Variants in XRCC5 observed in about 807,000 individuals in gnomAD.
The protein encoded by XRCC5 is DNA repair protein Ku80.
Under a neutral mutation model 95.7 loss-of-function variants are expected in XRCC5, and 12 were observed. That is an observed-to-expected ratio of 0.13 (90% CI 0.08 to 0.20). The LOEUF is 0.20. Ranked by LOEUF, XRCC5 falls within the 10% of genes least tolerant of loss-of-function variation. The pLI is 1.00. For missense variants in XRCC5, 595 were observed against 873.9 expected, an observed-to-expected ratio of 0.68 and a Z score of 4.02; for synonymous variants, 281 against 290.3, an observed-to-expected ratio of 0.97 and a Z score of 0.33.
chr2:216,136,787 G>A (rs963456109), intron 10 of XRCC5, among the ~76,000 whole-genome samples: 2 of 152,144 alleles, frequency 1.3e-5, no homozygotes, highest in African/African-American at 4.8e-5. Flanking sequence ...TTTGTGGAGA[G>A]GGAAGGACAA....
intron 16 of XRCC5, among the ~76,000 whole-genome samples, chr2:216,179,355 A>C (rs1298206433): frequency 2.6e-5 from 4 of 152,050 alleles, no homozygotes; most frequent in Admixed American, 6.6e-5. Flanking sequence ...TCTTAATTTG[A>C]TCACACATCT....
chr2:216,124,332 T>A (rs996995974), intron 6 of XRCC5, among the ~76,000 whole-genome samples: 1 of 152,136 alleles, frequency 6.6e-6, no homozygotes, highest in Non-Finnish European at 1.5e-5. Context: ...CTGCAACCTC[T>A]GCCTCCCAGG....
chr2:216,173,169 A>C (rs1689202984), intron 16 of XRCC5, among the ~76,000 whole-genome samples: 1 of 152,136 alleles, frequency 6.6e-6, no homozygotes, highest in South Asian at 2.1e-4. Context: ...ATTGTCTGCA[A>C]ATAAAGAAAG....
intron 10 of XRCC5, among the ~76,000 whole-genome samples, chr2:216,136,367 A>AAG (rs564652267): frequency 2.8e-5 from 4 of 143,204 alleles, no homozygotes; most frequent in Non-Finnish European, 3.0e-5. Flanking sequence ...AAAAAAAAAA[A>AAG]AAAAGAAATA....
At chr2:216,169,281 C>T (rs116355891) in intron 16 of XRCC5, among the ~76,000 whole-genome samples, 3,740 of 152,332 alleles carry the variant, frequency 0.025, 74 homozygotes, top group Middle Eastern at 0.061. Flanking sequence ...GTTCACCTTG[C>T]AGGGAAGACT....
chr2:216,111,347 C>T (rs1559234863), intron 1 of XRCC5: 3 of 445,188 alleles, frequency 6.7e-6, no homozygotes, highest in South Asian at 4.8e-5. Context: ...CACAGTGAGA[C>T]CCCAACTCTA....
intron 19 of XRCC5, chr2:216,203,918 A>C: frequency 7.4e-6 from 1 of 134,640 alleles, no homozygotes; most frequent in Non-Finnish European, 1.5e-5. Flanking sequence ...TTTGATTCTC[A>C]TGCTCCTTTC....
intron 16 of XRCC5, among the ~76,000 whole-genome samples, chr2:216,164,696 C>T (rs976000180): frequency 5.9e-5 from 9 of 152,126 alleles, no homozygotes; most frequent in Admixed American, 2.0e-4. Flanking sequence ...GGCAGGGAGA[C>T]AAAGTGGGTG....
chr2:216,182,114 T>TC (rs1559259261), intron 16 of XRCC5, among the ~76,000 whole-genome samples: 1 of 152,148 alleles, frequency 6.6e-6, no homozygotes, highest in African/African-American at 2.4e-5. Context: ...GTGTGCTGCC[T>TC]CCCCCTTGTC....
intron 16 of XRCC5, chr2:216,175,073 C>CTAA: frequency 3.2e-6 from 1 of 311,168 alleles, no homozygotes; most frequent in Non-Finnish European, 6.3e-6. Context: ...CCATAGTTAC[C>CTAA]ACTGCCAAAA....
chr2:216,125,849 A>C (rs1696892518), intron 6 of XRCC5, 68 bp from the exon 7 acceptor site: 1 of 1,264,410 alleles, frequency 7.9e-7, no homozygotes, highest in African/African-American at 1.5e-5. Context: ...TAGAAAATCA[A>C]ATGCATCATC....
chr2:216,128,962 A>AT (rs1417607000), intron 8 of XRCC5, among the ~76,000 whole-genome samples: 1 of 152,200 alleles, frequency 6.6e-6, no homozygotes, highest in Non-Finnish European at 1.5e-5. Flanking sequence ...TCTATTCTGA[A>AT]TTTGGACTGA....
At chr2:216,180,255 G>A (rs542845668) in intron 16 of XRCC5, among the ~76,000 whole-genome samples, 2 of 152,066 alleles carry the variant, frequency 1.3e-5, no homozygotes, top group East Asian at 1.9e-4. Flanking sequence ...ATAACACACA[G>A]ACAGTTCAGC....
intron 4 of XRCC5, 115 bp downstream of exon 4, chr2:216,117,909 A>C (rs1696730946): frequency 9.0e-7 from 1 of 1,106,940 alleles, no homozygotes; most frequent in Non-Finnish European, 1.3e-6. Flanking sequence ...TTTGTGTGAC[A>C]AGAGAAACAT....
At position 216,116,832 on chromosome 2, in the gene XRCC5, A is replaced by ACAGGCTGACTGTATCCTTTTTCTGC. The variant is rs749253096; in HGVS notation, c.313_319+18dup. On this transcript the variant is annotated frameshift_variant, in exon 3 of 21. Coordinates refer to ENST00000392132, the MANE Select transcript of XRCC5 (RefSeq NM_021141.4). LOFTEE classifies it high-confidence loss of function. ...AAAGCAAAATCCAACCAGGTTCTCA[A>ACAGGCTGACTGTATCCTTTTTCTGC]CAGGCTGACTGTATCCTTTTTCTGC... The ACAGGCTGACTGTATCCTTTTTCTGC allele has an allele frequency of 8.1e-6, 13 of 1,613,956 alleles. No homozygotes were observed. In the African/African-American group the frequency reaches 9.3e-5, roughly 12 times the overall value.
At position 216,160,108 on chromosome 2, in the gene XRCC5, C is replaced by A; in HGVS notation, c.1711C>A (p.Gln571Lys). The change falls in exon 15 of 21, where the codon CAA becomes AAA. Residue 571 changes from glutamine (Q) to lysine (K), a missense_variant. By Grantham distance (53) the Gln-to-Lys change is moderately conservative (BLOSUM62 1). Coordinates refer to ENST00000392132, the MANE Select transcript of XRCC5 (RefSeq NM_021141.4). ...GPTAKKLKTE[Q>K]GGAHFSVSSL... ...TACAGCTAAAAAATTAAAGACTGAG[C>A]AAGGGGGAGCCCACTTCAGCGTCTC... 1 of 1,607,748 alleles carries A rather than the reference C, an allele frequency of 6.2e-7. No individual in the cohort carries two copies. Among genetic ancestry groups the A allele is most frequent in the Non-Finnish European group, 8.5e-7 (1 of 1,176,768 alleles).
At chr2:216,153,823 CTACTAAA>C (rs1344146668) in intron 14 of XRCC5, among the ~76,000 whole-genome samples, 1 of 152,220 alleles carries the variant, frequency 6.6e-6, no homozygotes, top group Non-Finnish European at 1.5e-5. Context: ...GCCTCAAAAA[CTACTAAA>C]TACCTATCTT....
rs1689533406 is a variant in XRCC5, at chr2:216,187,852, CTCTCTCTCT to C, written c.1835-2372_1835-2364del. ...TCTCTCTCTCTCTCTCTCTCTCTCT[CTCTCTCTCT>C]CCCCGTCTCCCTGTCTCTCCCTCTC... On this transcript the variant is annotated intron_variant, in intron 16 of 20. Transcript: ENST00000392132. Among the ~76,000 whole-genome samples the C allele has an allele frequency of 6.5e-5, 9 of 138,432 alleles. No homozygotes were observed. In the South Asian group the frequency reaches 9.5e-4, roughly 15 times the overall value. 90.8% of individuals were successfully genotyped at this position (138,432 alleles called of 152,430 possible). A position where few individuals can be genotyped will look rare whatever the true frequency, so the allele number is the denominator to read the frequency against.
intron 5 of XRCC5, 135 bp from the exon 6 acceptor site, chr2:216,121,927 T>C: frequency 1.3e-6 from 1 of 765,182 alleles, no homozygotes; most frequent in East Asian, 2.8e-5. Context: ...GAATATTGGC[T>C]AAGGTAGGTA....
Sources: allele counts gnomAD v4.1 joint callset (sites outside exome capture counted in the v4.1 genomes callset), GRCh38; gene constraint gnomAD v4.1.1; transcripts MANE v1.5; gene names NCBI Gene and HGNC (gene_info 2026-07-23, HGNC 2026-07-21).